MPPE1: variants seen among roughly 807,000 people sequenced by gnomAD.
MPPE1 encodes metallophosphoesterase 1, also known as metallo phosphoesterase.
Under a neutral mutation model 43.8 loss-of-function variants are expected in MPPE1, and 28 were observed. The ratio of observed to expected loss-of-function variants is 0.64; its 90% CI spans 0.47 to 0.88. The LOEUF is 0.88. Ranked by LOEUF, MPPE1 falls within the 40% of genes least tolerant of loss-of-function variation. The pLI, the probability that MPPE1 is intolerant of heterozygous loss-of-function variation, is 0.00. For missense variants in MPPE1, 428 were observed against 492.2 expected (o/e 0.87, Z 1.23); for synonymous variants, 159 against 188.5 (o/e 0.84, Z 1.28).
intron 10 of MPPE1, 104 bp downstream of exon 10, chr18:11,885,572 T>C: frequency 7.2e-7 from 1 of 1,393,684 alleles, no homozygotes; most frequent in African/African-American, 1.4e-5. Flanking sequence ...AATTTGTGTG[T>C]GGCTTTTGTA....
Position 11,886,832 on chromosome 18 carries a change from C to T in MPPE1, c.679-54G>A. The T allele has an allele frequency of 6.2e-7, 1 of 1,600,240 alleles. No individual in the cohort carries two copies. Among genetic ancestry groups the T allele is most frequent in the Non-Finnish European group, 8.5e-7 (1 of 1,171,266 alleles). ...CGCACACCTGACCCTCATCAAAGGGCAAGAAGCGCTAGGGGGCTGAGTGAG... is the reference window on the plus strand; with the variant it reads ...CGCACACCTGACCCTCATCAAAGGGTAAGAAGCGCTAGGGGGCTGAGTGAG... On this transcript the variant is annotated intron_variant, in intron 7 of 10. Coordinates refer to ENST00000588072, the MANE Select transcript of MPPE1 (RefSeq NM_023075.6). This position sits in a 1 kb window ranked among gnomAD's most constrained non-coding sequence, Gnocchi z 4.1.
intron 3 of MPPE1, among the ~76,000 whole-genome samples, chr18:11,896,452 G>A (rs1271085385): frequency 6.6e-6 from 1 of 152,224 alleles, no homozygotes; most frequent in Non-Finnish European, 1.5e-5. Context: ...AATGGACCAT[G>A]CAGGGGCAGG....
Position 11,886,936 on chromosome 18 carries a change from C to A in MPPE1, c.659G>T (p.Arg220Ile). Residue 220 changes from arginine to isoleucine, a missense_variant, in exon 7 of 11, where the codon AGA becomes ATA. Physicochemically the swap from Arg to Ile is moderately conservative, Grantham distance 97. Transcript: ENST00000588072. The surrounding 1 kb of genome is among the most constrained non-coding windows in gnomAD (Gnocchi z 4.1). The stretch of plus-strand genomic sequence containing the variant: ...TCCTACCTCTCGGGAGCAGTTCAGT[C>A]TGTGAGAAACTTCAATGAGCTCTGC... ...TEAELIEVSH[R>I]LNCSREARGS... 1 of 1,613,476 alleles carries A rather than the reference C, an allele frequency of 6.2e-7. No individual in the cohort carries two copies. Among genetic ancestry groups the A allele is most frequent in the South Asian group, 1.1e-5 (1 of 91,066 alleles).
At chr18:11,900,030 G>T (rs973208756) in intron 2 of MPPE1, among the ~76,000 whole-genome samples, 5 of 152,214 alleles carry the variant, frequency 3.3e-5, no homozygotes, top group Admixed American at 1.3e-4. Context: ...TGGCCCACAT[G>T]GTGAAACCCT....
At chr18:11,895,365 T>C (rs1316687702) in intron 3 of MPPE1, 1 of 152,130 alleles carries the variant, frequency 6.6e-6, no homozygotes, top group East Asian at 1.9e-4. Flanking sequence ...ATGATCCTAC[T>C]ACTGCCCTCC....
chr18:11,903,732 G>A (rs615693), intron 2 of MPPE1, among the ~76,000 whole-genome samples: 3,002 of 152,278 alleles, frequency 0.02, 108 homozygotes, highest in African/African-American at 0.069. Flanking sequence ...CGTGAACCCA[G>A]GAGGCGGAGC....
chr18:11,882,822 C>CTCTT lies in MPPE1; in HGVS notation c.*1619_*1622dup, dbSNP rs1462318232. 4 of 152,138 alleles carry CTCTT rather than the reference C, an allele frequency of 2.6e-5. No individual in the cohort carries two copies. The highest frequency in any genetic ancestry group is 7.2e-5 in the African/African-American group (3 of 41,420). The allele number at this position is 152,138 out of a possible 1,614,324, so 9.4% of individuals were successfully genotyped here. On this transcript the variant is annotated 3_prime_UTR_variant, in exon 11 of 11. Coordinates refer to ENST00000588072, the MANE Select transcript of MPPE1 (RefSeq NM_023075.6). Reference sequence around the variant, plus strand: ...TGAAGTATAAAGTCAAAAGATACGGCTCTTTCTCACACTTGCAAGACTTAC... The same window carrying CTCTT: ...TGAAGTATAAAGTCAAAAGATACGGCTCTTTCTTTCTCACACTTGCAAGACTTAC...
At chr18:11,900,718 T>A (rs544543103) in intron 2 of MPPE1, among the ~76,000 whole-genome samples, 1 of 151,586 alleles carries the variant, frequency 6.6e-6, no homozygotes, top group East Asian at 1.9e-4. Flanking sequence ...CCATCCTGGC[T>A]AACACGGTGA....
At chr18:11,898,058 G>GTTTGT (rs142163769) in intron 2 of MPPE1, among the ~76,000 whole-genome samples, 63 of 151,334 alleles carry the variant, frequency 4.2e-4, no homozygotes, top group Non-Finnish European at 7.2e-4. Context: ...GTTTTTGTTT[G>GTTTGT]TTTGTTTTGT....
chr18:11,899,070 G>T (rs2038881038), intron 2 of MPPE1, among the ~76,000 whole-genome samples: 1 of 140,438 alleles, frequency 7.1e-6, no homozygotes, highest in Non-Finnish European at 1.5e-5. Flanking sequence ...ACCACGCCCA[G>T]CTAATTTTGT....
chr18:11,884,397 C>A lies in MPPE1; in HGVS notation c.*48G>T. The A allele has an allele frequency of 1.3e-6, 2 of 1,582,396 alleles. No individual in the cohort carries two copies. Among genetic ancestry groups the A allele is most frequent in the Non-Finnish European group, 1.7e-6 (2 of 1,155,566 alleles). On this transcript the variant is annotated 3_prime_UTR_variant, in exon 11 of 11. Coordinates refer to ENST00000588072, the MANE Select transcript of MPPE1 (RefSeq NM_023075.6). ...CACTTGATTCTAACATGATCTCTGCCCAAAGTTCCATTTCTTGGGCTTTGA... is the reference window on the plus strand; with the variant it reads ...CACTTGATTCTAACATGATCTCTGCACAAAGTTCCATTTCTTGGGCTTTGA...
intron 2 of MPPE1, chr18:11,902,219 T>A (rs866997939): frequency 1.3e-5 from 1 of 74,816 alleles, no homozygotes; most frequent in Admixed American, 1.5e-4. Context: ...TGCCTGTGCT[T>A]ACTCTGACAT....
In MPPE1 at chr18:11,884,457, A is replaced by C. The variant is rs746053213; in HGVS notation, c.1179T>G (p.Arg393=). Residue 393 remains arginine, a synonymous_variant, in exon 11 of 11, where the codon CGT becomes CGG. Coordinates refer to ENST00000588072, the MANE Select transcript of MPPE1 (RefSeq NM_023075.6). Reference sequence around the variant, plus strand: ...TGGCGCCTGCTCTTCATCTTGTCTTACGCTTTCCGAGCAAGTTCAAACCAG... The same window carrying C: ...TGGCGCCTGCTCTTCATCTTGTCTTCCGCTTTCCGAGCAAGTTCAAACCAG... ...FLSGLNLLGK[R]KTR 2 of 1,613,850 alleles carry C rather than the reference A, an allele frequency of 1.2e-6. No homozygotes were observed. The highest frequency in any genetic ancestry group is 1.1e-5 in the South Asian group (1 of 91,076).
intron 6 of MPPE1, 44 bp from the exon 7 acceptor site, chr18:11,887,069 T>G (rs2037393350): frequency 1.4e-6 from 2 of 1,418,652 alleles, no homozygotes; most frequent in East Asian, 4.6e-5. Context: ...GGGGTATCAG[T>G]GCTTTCTTTT....
Position 11,885,783 on chromosome 18 carries a change from T to C in MPPE1, c.901A>G (p.Ser301Gly), listed in dbSNP as rs1385279718. The C allele has an allele frequency of 6.2e-7, 1 of 1,612,690 alleles. No individual in the cohort carries two copies. The highest frequency in any genetic ancestry group is 1.7e-5 in the Admixed American group (1 of 59,982). The change falls in exon 10 of 11, where the codon AGT becomes GGT. Residue 301 changes from serine (S) to glycine (G), a missense_variant. Physicochemically the swap from Ser to Gly is moderately conservative, Grantham distance 56. Transcript: ENST00000588072. ...TCGCAGGCGCTGTGCGTGTGGCCAC[T>C]GAGAACCAGGCGCGGCTGGAGCCAC... is the stretch of plus-strand genomic sequence containing the variant. ...LWWLQPRLVL[S>G]GHTHSACEVH...
At position 11,901,825 on chromosome 18, in the gene MPPE1, T is replaced by C. The variant is rs1043315917; in HGVS notation, c.-93+4378A>G. On this transcript the variant is annotated intron_variant, in intron 2 of 10. Coordinates refer to ENST00000588072, the MANE Select transcript of MPPE1 (RefSeq NM_023075.6). Reference sequence around the variant, plus strand: ...CTGCACTCCACCCTGGGCAACAGAGTGAGACTCCATCTCAAAATAAATAAA... The same window carrying C: ...CTGCACTCCACCCTGGGCAACAGAGCGAGACTCCATCTCAAAATAAATAAA... Among the ~76,000 whole-genome samples the C allele has an allele frequency of 2.8e-4, 43 of 151,878 alleles. 1 individual carries two copies. The highest frequency in any genetic ancestry group is 1.0e-4 in the Non-Finnish European group (7 of 67,972).
intron 2 of MPPE1, among the ~76,000 whole-genome samples, chr18:11,898,923 T>TC (rs1555628832): frequency 0.12 from 17,735 of 151,534 alleles, 1,473 homozygotes; most frequent in East Asian, 0.38. Flanking sequence ...TTTTTTTTTT[T>TC]CTGAGACAGA....
intron 10 of MPPE1, chr18:11,884,847 G>A (rs1210153086): frequency 1.5e-6 from 2 of 1,378,688 alleles, no homozygotes; most frequent in South Asian, 1.5e-5. Context: ...AGGCCCAAGT[G>A]TGCCTGAGTG....
intron 2 of MPPE1, chr18:11,905,179 C>T (rs1020195970): frequency 3.3e-5 from 5 of 152,098 alleles, no homozygotes; most frequent in African/African-American, 1.2e-4. Context: ...TAGTAGTGCA[C>T]ACCTGTAATC....
Sources: gnomAD v4.1 joint callset for allele counts (sites outside exome capture counted in the v4.1 genomes callset) on GRCh38, gnomAD v4.1.1 for gene constraint, Gnocchi (gnomAD v3.1) non-coding constraint, MANE v1.5 for transcripts, NCBI Gene and HGNC (gene_info 2026-07-23, HGNC 2026-07-21) for gene names.